Variants in ROBO2 observed in about 807,000 individuals in gnomAD.
ROBO2 encodes the protein roundabout guidance receptor 2.
A neutral mutation model predicts 160.8 loss-of-function variants in ROBO2; 53 were observed. The observed-to-expected ratio is 0.33, with a 90% CI of 0.26 to 0.41. The LOEUF is 0.41. Ranked by LOEUF, ROBO2 falls within the 10% of genes least tolerant of loss-of-function variation. The probability of loss-of-function intolerance (pLI) is 1.00; values close to 1 mark genes in which losing one functional copy is unlikely to be tolerated. For synonymous variants in ROBO2, 664 were observed against 611.7 expected, an observed-to-expected ratio of 1.09 and a Z score of -1.26; for missense variants, 1,577 against 1,722.4, an observed-to-expected ratio of 0.92 and a Z score of 1.49.
chr3:77,002,229 C>T (rs2149423332), intron 2 of ROBO2, among the ~76,000 whole-genome samples: 1 of 151,920 alleles, frequency 6.6e-6, no homozygotes. Context: ...TATTATGGGA[C>T]TTGATGACAA....
chr3:77,539,368 T>C (rs1318773032), intron 6 of ROBO2, among the ~76,000 whole-genome samples: 1 of 152,216 alleles, frequency 6.6e-6, no homozygotes, highest in Non-Finnish European at 1.5e-5. Flanking sequence ...CAAAAGGGCG[T>C]ATCAGAATCG....
At chr3:76,506,152 G>A (rs1318264936) in intron 2 of ROBO2, among the ~76,000 whole-genome samples, 3 of 152,166 alleles carry the variant, frequency 2.0e-5, no homozygotes, top group Middle Eastern at 3.4e-3. Context: ...ACTTACAAAG[G>A]GAAACTCCAT....
At chr3:76,263,035 A>G (rs1379715390) in intron 2 of ROBO2, among the ~76,000 whole-genome samples, 1 of 152,142 alleles carries the variant, frequency 6.6e-6, no homozygotes, top group Non-Finnish European at 1.5e-5. Flanking sequence ...TCAGTACCAG[A>G]TAGGATTGAT....
chr3:76,086,049 G>C (rs1226463207), intron 2 of ROBO2, among the ~76,000 whole-genome samples: 2 of 152,160 alleles, frequency 1.3e-5, no homozygotes, highest in Non-Finnish European at 2.9e-5. Context: ...ATGAAGGAAG[G>C]AAAATATCCT....
At chr3:77,222,365 C>T (rs893639407) in intron 2 of ROBO2, among the ~76,000 whole-genome samples, 2 of 152,068 alleles carry the variant, frequency 1.3e-5, no homozygotes, top group South Asian at 2.1e-4. Flanking sequence ...TGTTGTTTCC[C>T]CAGTGGGTTA....
intron 2 of ROBO2, among the ~76,000 whole-genome samples, chr3:76,474,489 G>A (rs1361318785): frequency 1.3e-5 from 2 of 152,034 alleles, no homozygotes; most frequent in Non-Finnish European, 2.9e-5. Context: ...GCCAGGCCCC[G>A]TTCTAAGTGG....
intron 2 of ROBO2, among the ~76,000 whole-genome samples, chr3:77,196,051 G>C (rs548124661): frequency 3.9e-5 from 6 of 152,284 alleles, no homozygotes; most frequent in Non-Finnish European, 7.4e-5. Context: ...TTAAGAGGGT[G>C]ATGACTCGCT....
chr3:76,975,791 T>G (rs2059788201), intron 2 of ROBO2, among the ~76,000 whole-genome samples: 2 of 152,158 alleles, frequency 1.3e-5, no homozygotes, highest in Non-Finnish European at 2.9e-5. Context: ...TAGATTTTAA[T>G]TGTCAGTGTG....
At chr3:76,595,925 A>G (rs576062209) in intron 2 of ROBO2, among the ~76,000 whole-genome samples, 1 of 152,250 alleles carries the variant, frequency 6.6e-6, no homozygotes, top group Non-Finnish European at 1.5e-5. Context: ...TTATCTCTGA[A>G]TATTTAATAC....
At chr3:76,138,831 A>C (rs1269739176) in intron 2 of ROBO2, among the ~76,000 whole-genome samples, 3 of 152,146 alleles carry the variant, frequency 2.0e-5, no homozygotes, top group Admixed American at 6.6e-5. Flanking sequence ...CTTTAATAGC[A>C]TCTTTCAGAC....
chr3:75,919,408 G>A (rs550885824), intron 1 of ROBO2, among the ~76,000 whole-genome samples: 7 of 152,302 alleles, frequency 4.6e-5, no homozygotes, highest in Admixed American at 4.6e-4. Context: ...TGGTGGATAA[G>A]CTTTTTGATG....
chr3:77,164,966 C>T (rs530776120), intron 2 of ROBO2, among the ~76,000 whole-genome samples: 3,270 of 60,274 alleles, frequency 0.054, 334 homozygotes, highest in Middle Eastern at 0.11. Flanking sequence ...CCCGGCCAGC[C>T]GCCCCGTCCG....
chr3:76,747,494 A>G (rs6797550), intron 2 of ROBO2, among the ~76,000 whole-genome samples: 102,231 of 151,904 alleles, frequency 0.67, 34,860 homozygotes, highest in African/African-American at 0.79. Context: ...GGAAATTAGC[A>G]TTAATATCAT....
intron 2 of ROBO2, among the ~76,000 whole-genome samples, chr3:75,946,047 G>A (rs113734596): frequency 9.9e-5 from 15 of 152,116 alleles, no homozygotes; most frequent in South Asian, 2.1e-4. Context: ...GTTTCCTGGC[G>A]GAATTGTCTT....
At chr3:76,990,011 T>A (rs2060581773) in intron 2 of ROBO2, among the ~76,000 whole-genome samples, 1 of 152,146 alleles carries the variant, frequency 6.6e-6, no homozygotes, top group Non-Finnish European at 1.5e-5. Flanking sequence ...ATCTAATAGA[T>A]CTCAGTATGG....
At chr3:76,819,940 A>G (rs993907478) in intron 2 of ROBO2, among the ~76,000 whole-genome samples, 67 of 152,134 alleles carry the variant, frequency 4.4e-4, no homozygotes, top group African/African-American at 1.5e-3. Flanking sequence ...AAACAAGTCA[A>G]TCTCTATTCT....
rs1003539740 is a variant in ROBO2 at position 76,646,501 on chromosome 3, G to A, written c.110-451513G>A. 1.2e-4 allele frequency among the ~76,000 whole-genome samples: 19 copies of A among 152,260 alleles called. 1 individual carries two copies. Among genetic ancestry groups the A allele is most frequent in the Middle Eastern group, 6.8e-3 (2 of 294 alleles). ...CAGACCACAGAGCTACTTAATTTCT[G>A]TAAGCCTTGTTCTCTCATTCATGAA... On this transcript the variant is annotated intron_variant, in intron 2 of 26. Transcript: ENST00000487694.
intron 2 of ROBO2, among the ~76,000 whole-genome samples, chr3:76,303,938 G>A (rs1444937975): frequency 6.6e-6 from 1 of 152,120 alleles, no homozygotes; most frequent in Non-Finnish European, 1.5e-5. Context: ...GGAATTCAGA[G>A]ATGTTCACTC....
At chr3:76,044,043 A>G (rs2067369528) in intron 2 of ROBO2, among the ~76,000 whole-genome samples, 1 of 152,066 alleles carries the variant, frequency 6.6e-6, no homozygotes, top group African/African-American at 2.4e-5. Context: ...GTAAGTGACC[A>G]TTGTATACAC....
Sources: allele counts gnomAD v4.1 joint callset (sites outside exome capture counted in the v4.1 genomes callset), GRCh38; gene constraint gnomAD v4.1.1; transcripts MANE v1.5; gene names NCBI Gene and HGNC (gene_info 2026-07-23, HGNC 2026-07-21).